Variants in CNTN5 observed in about 807,000 individuals in gnomAD.
CNTN5 encodes the protein contactin 5.
In CNTN5, 77 loss-of-function variants were observed where a neutral mutation model predicts 129.1. The observed-to-expected ratio is 0.60, with a 90% CI of 0.50 to 0.72. The LOEUF (loss-of-function observed/expected upper bound fraction) is 0.72, where lower values mean the gene tolerates loss of function less well. Among genes scored for constraint, CNTN5 ranks in the 30% least tolerant of loss-of-function variants. The pLI, the probability that CNTN5 is intolerant of heterozygous loss-of-function variation, is 0.00. For synonymous variants in CNTN5, 509 were observed against 465.6 expected (o/e 1.09, Z -1.20); for missense variants, 1,478 against 1,328.8 (o/e 1.11, Z -1.75).
chr11:99,421,103 G>A (rs1354983229), intron 2 of CNTN5, among the ~76,000 whole-genome samples: 1 of 151,596 alleles, frequency 6.6e-6, no homozygotes, highest in Non-Finnish European at 1.5e-5. Context: ...TTTACACTTA[G>A]GGGGAGATCC....
chr11:99,419,938 T>C (rs1395737239), intron 2 of CNTN5, among the ~76,000 whole-genome samples: 3 of 151,902 alleles, frequency 2.0e-5, no homozygotes, highest in Admixed American at 1.3e-4. Flanking sequence ...CTTCACCAAA[T>C]GTATGATAGT....
chr11:99,198,080 T>A (rs1565396088), intron 1 of CNTN5, among the ~76,000 whole-genome samples: 1 of 152,130 alleles, frequency 6.6e-6, no homozygotes, highest in Non-Finnish European at 1.5e-5. Context: ...AAATGAGGAT[T>A]TCTTCCCATG....
intron 1 of CNTN5, among the ~76,000 whole-genome samples, chr11:99,203,678 C>A (rs1468398993): frequency 1.3e-5 from 2 of 151,922 alleles, no homozygotes; most frequent in Admixed American, 1.3e-4. Context: ...CAACCTCTGC[C>A]TTCTGGTTCA....
chr11:99,193,220 A>G (rs939402833), intron 1 of CNTN5, among the ~76,000 whole-genome samples: 1 of 152,114 alleles, frequency 6.6e-6, no homozygotes, highest in Non-Finnish European at 1.5e-5. Context: ...CACTATAAAA[A>G]TGAAATTTTG....
intron 3 of CNTN5, among the ~76,000 whole-genome samples, chr11:99,581,380 G>A (rs1442089329): frequency 4.0e-5 from 6 of 148,274 alleles, no homozygotes; most frequent in East Asian, 2.0e-4. Flanking sequence ...CAATTCCTGG[G>A]TATCCTTGTT....
At chr11:99,592,330 C>T (rs1015521106) in intron 3 of CNTN5, among the ~76,000 whole-genome samples, 8 of 151,946 alleles carry the variant, frequency 5.3e-5, no homozygotes, top group Admixed American at 3.9e-4. Context: ...AAACAATGTC[C>T]GGGGAAGGAA....
At chr11:99,359,869 C>T (rs957501215) in intron 2 of CNTN5, among the ~76,000 whole-genome samples, 1 of 151,886 alleles carries the variant, frequency 6.6e-6, no homozygotes, top group Non-Finnish European at 1.5e-5. Context: ...AAAGGGGTAA[C>T]TGAAACCAAG....
At chr11:100,031,357 G>A (rs1440438003) in intron 9 of CNTN5, among the ~76,000 whole-genome samples, 2 of 152,186 alleles carry the variant, frequency 1.3e-5, no homozygotes, top group South Asian at 2.1e-4. Flanking sequence ...GAGCCTATGA[G>A]TGGACGTGCA....
intron 1 of CNTN5, among the ~76,000 whole-genome samples, chr11:99,299,586 C>T (rs1212223120): frequency 6.6e-6 from 1 of 152,056 alleles, no homozygotes; most frequent in Non-Finnish European, 1.5e-5. Context: ...TCACTTATTG[C>T]CCATTGTATA....
chr11:100,074,014 C>T, intron 12 of CNTN5, 130 bp from the exon 13 acceptor site: 2 of 763,900 alleles, frequency 2.6e-6, no homozygotes, highest in Non-Finnish European at 4.1e-6. Context: ...CTGCCTTTTT[C>T]ATGTGTAGAT....
At chr11:99,737,917 T>G (rs1455122464) in intron 3 of CNTN5, among the ~76,000 whole-genome samples, 1 of 152,196 alleles carries the variant, frequency 6.6e-6, no homozygotes, top group Non-Finnish European at 1.5e-5. Context: ...CCATGAACTA[T>G]ATTTTCATAG....
chr11:99,870,650 C>T (rs1294689432), intron 6 of CNTN5, among the ~76,000 whole-genome samples: 1 of 152,104 alleles, frequency 6.6e-6, no homozygotes, highest in African/African-American at 2.4e-5. Context: ...ATTAAATTTA[C>T]ATTTAAAATA....
chr11:99,423,386 A>G (rs1438908270), intron 2 of CNTN5, among the ~76,000 whole-genome samples: 1 of 152,202 alleles, frequency 6.6e-6, no homozygotes, highest in Non-Finnish European at 1.5e-5. Flanking sequence ...TTACATTTCA[A>G]AGAGATGGCT....
intron 3 of CNTN5, among the ~76,000 whole-genome samples, chr11:99,575,389 T>A (rs1031345675): frequency 1.3e-5 from 2 of 152,152 alleles, no homozygotes; most frequent in African/African-American, 4.8e-5. Flanking sequence ...TCGGAATAGG[T>A]ACCAGAGGAA....
At chr11:99,597,651 A>G (rs928284909) in intron 3 of CNTN5, among the ~76,000 whole-genome samples, 2 of 152,112 alleles carry the variant, frequency 1.3e-5, no homozygotes, top group Admixed American at 6.6e-5. Context: ...GCTTTCTCAG[A>G]TATCTTATAC....
intron 2 of CNTN5, among the ~76,000 whole-genome samples, chr11:99,336,215 G>C (rs1399918183): frequency 6.6e-6 from 1 of 152,098 alleles, no homozygotes; most frequent in East Asian, 1.9e-4. Flanking sequence ...GTATGAAATT[G>C]TCAAATTGGT....
At chr11:99,306,863 C>G (rs902960944) in intron 1 of CNTN5, among the ~76,000 whole-genome samples, 1 of 151,846 alleles carries the variant, frequency 6.6e-6, no homozygotes, top group East Asian at 1.9e-4. Context: ...GTGCTAAGTA[C>G]AACATATTAA....
At chr11:99,759,430 T>C (rs1944505003) in intron 3 of CNTN5, among the ~76,000 whole-genome samples, 1 of 151,994 alleles carries the variant, frequency 6.6e-6, no homozygotes, top group African/African-American at 2.4e-5. Context: ...ATCTATATTA[T>C]ATAGGGGGCA....
At chr11:100,128,303 C>T (rs1946261957) in intron 13 of CNTN5, among the ~76,000 whole-genome samples, 2 of 152,082 alleles carry the variant, frequency 1.3e-5, no homozygotes, top group South Asian at 4.1e-4. Flanking sequence ...ATTTAACAGT[C>T]ATCTTTGATA....
Sources: gnomAD v4.1 joint callset for allele counts (sites outside exome capture counted in the v4.1 genomes callset) on GRCh38, gnomAD v4.1.1 for gene constraint, MANE v1.5 for transcripts, NCBI Gene and HGNC (gene_info 2026-07-23, HGNC 2026-07-21) for gene names.